SPEF2: variants seen among roughly 807,000 people sequenced by gnomAD.
The protein encoded by SPEF2 is sperm flagella and cilia-associated protein 2.
A neutral mutation model predicts 224.6 loss-of-function variants in SPEF2; 187 were observed. The observed-to-expected ratio is 0.83, with a 90% CI of 0.74 to 0.94. The LOEUF (loss-of-function observed/expected upper bound fraction) is 0.94, where lower values mean the gene tolerates loss of function less well. SPEF2 is among the 40% of genes least tolerant of loss of function. The pLI, the probability that SPEF2 is intolerant of heterozygous loss-of-function variation, is 0.00. For synonymous variants in SPEF2, 715 were observed against 707.3 expected (o/e 1.01, Z -0.17); for missense variants, 2,170 against 2,135.6 (o/e 1.02, Z -0.32).
chr5:35,804,890 T>C (rs1479693896), intron 34 of SPEF2, among the ~76,000 whole-genome samples: 1 of 152,186 alleles, frequency 6.6e-6, no homozygotes, highest in African/African-American at 2.4e-5. Flanking sequence ...TATGTTTATC[T>C]TGGGTACACA....
chr5:35,737,790 C>G (rs1746876541), intron 21 of SPEF2, among the ~76,000 whole-genome samples: 1 of 152,166 alleles, frequency 6.6e-6, no homozygotes, highest in South Asian at 2.1e-4. Context: ...AATCGCCACA[C>G]TGACTTCCAC....
intron 8 of SPEF2, among the ~76,000 whole-genome samples, chr5:35,660,530 C>T (rs1324069125): frequency 6.6e-6 from 1 of 152,166 alleles, no homozygotes; most frequent in Non-Finnish European, 1.5e-5. Flanking sequence ...GTGGAACAGG[C>T]ATAGCCTAAA....
At chr5:35,802,544 G>A (rs961915852) in intron 34 of SPEF2, among the ~76,000 whole-genome samples, 1 of 152,128 alleles carries the variant, frequency 6.6e-6, no homozygotes, top group Non-Finnish European at 1.5e-5. Flanking sequence ...AGAATGCAGG[G>A]GGAAAATACA....
At chr5:35,770,140 C>T (rs1489099600) in intron 26 of SPEF2, among the ~76,000 whole-genome samples, 1 of 151,808 alleles carries the variant, frequency 6.6e-6, no homozygotes, top group Non-Finnish European at 1.5e-5. Flanking sequence ...GGCAGTTGAA[C>T]TTATTGCAAA....
At chr5:35,724,587 A>G (rs1454188639) in intron 20 of SPEF2, among the ~76,000 whole-genome samples, 1 of 152,186 alleles carries the variant, frequency 6.6e-6, no homozygotes, top group Non-Finnish European at 1.5e-5. Flanking sequence ...AAAAGCATGG[A>G]GTCTACAGCC....
At chr5:35,697,191 T>A (rs527735448) in intron 14 of SPEF2, among the ~76,000 whole-genome samples, 22 of 152,252 alleles carry the variant, frequency 1.4e-4, no homozygotes, top group Admixed American at 1.2e-3. Flanking sequence ...GACTAACCTA[T>A]AAATAACAAG....
intron 2 of SPEF2, among the ~76,000 whole-genome samples, chr5:35,630,934 C>G (rs1377202097): frequency 1.3e-5 from 2 of 152,048 alleles, no homozygotes; most frequent in Non-Finnish European, 2.9e-5. Context: ...TAACAATAGG[C>G]AAAGGATCTG....
At chr5:35,705,977 C>T (rs1461842661) in intron 18 of SPEF2, among the ~76,000 whole-genome samples, 169 bp downstream of exon 18, 9 of 84,980 alleles carry the variant, frequency 1.1e-4, no homozygotes, top group Non-Finnish European at 1.6e-4. Flanking sequence ...TATATGTTTC[C>T]GAATAAAAGA....
chr5:35,689,355 C>A (rs975334284), intron 10 of SPEF2, among the ~76,000 whole-genome samples: 2 of 152,262 alleles, frequency 1.3e-5, no homozygotes, highest in Middle Eastern at 6.8e-3. Flanking sequence ...CAATATACTT[C>A]TGTAACATTT....
At chr5:35,659,350 AT>A in intron 8 of SPEF2, 143 bp downstream of exon 8, 1 of 750,320 alleles carries the variant, frequency 1.3e-6, no homozygotes, top group Non-Finnish European at 2.1e-6. Context: ...GCCCATTTTT[AT>A]TTTTGTATAA....
At chr5:35,687,635 G>A (rs1259865080) in intron 10 of SPEF2, among the ~76,000 whole-genome samples, 1 of 152,080 alleles carries the variant, frequency 6.6e-6, no homozygotes, top group Non-Finnish European at 1.5e-5. Context: ...GATTACAGGC[G>A]TGAGCCACCG....
intron 26 of SPEF2, among the ~76,000 whole-genome samples, chr5:35,765,083 G>C (rs1021482877): frequency 1.3e-5 from 2 of 151,918 alleles, no homozygotes; most frequent in Non-Finnish European, 2.9e-5. Context: ...TCTCTAAAGG[G>C]GACCAACATA....
chr5:35,734,004 G>C (rs1220576034), intron 21 of SPEF2, among the ~76,000 whole-genome samples: 1 of 152,146 alleles, frequency 6.6e-6, no homozygotes, highest in Non-Finnish European at 1.5e-5. Context: ...GCACAAAGTA[G>C]GTTCTAAATA....
intron 10 of SPEF2, among the ~76,000 whole-genome samples, chr5:35,690,665 A>C (rs1004465217): frequency 1.5e-4 from 23 of 152,078 alleles, no homozygotes; most frequent in African/African-American, 5.1e-4. Flanking sequence ...ATTACTTTAA[A>C]ATATTATAAA....
At chr5:35,768,691 T>C (rs949310074) in intron 26 of SPEF2, among the ~76,000 whole-genome samples, 1 of 152,124 alleles carries the variant, frequency 6.6e-6, no homozygotes, top group Non-Finnish European at 1.5e-5. Context: ...ATAGAAAGCA[T>C]AGGAAAATGG....
chr5:35,629,453 G>A (rs1203150277), intron 2 of SPEF2, among the ~76,000 whole-genome samples: 4 of 151,982 alleles, frequency 2.6e-5, no homozygotes, highest in Non-Finnish European at 4.4e-5. Context: ...CACCGCGCCC[G>A]GCCTGTTCCT....
chr5:35,797,093 C>T (rs1326349483), intron 33 of SPEF2, among the ~76,000 whole-genome samples: 3 of 152,192 alleles, frequency 2.0e-5, no homozygotes, highest in African/African-American at 7.2e-5. Context: ...GTGAAAAGTA[C>T]TTTCATTTTC....
chr5:35,809,021 A>G (rs1365898419), intron 36 of SPEF2, among the ~76,000 whole-genome samples: 1 of 151,954 alleles, frequency 6.6e-6, no homozygotes, highest in African/African-American at 2.4e-5. Flanking sequence ...ACCCCTCAGT[A>G]ACTCCCTGAC....
At chr5:35,629,242 C>G (rs1744742202) in intron 2 of SPEF2, among the ~76,000 whole-genome samples, 1 of 144,704 alleles carries the variant, frequency 6.9e-6, no homozygotes, top group African/African-American at 2.6e-5. Flanking sequence ...CAAGCTCCGC[C>G]TCCCGCATTC....
Sources: gnomAD v4.1 joint callset for allele counts (sites outside exome capture counted in the v4.1 genomes callset) on GRCh38, gnomAD v4.1.1 for gene constraint, MANE v1.5 for transcripts, NCBI Gene and HGNC (gene_info 2026-07-23, HGNC 2026-07-21) for gene names.